Variants in LCA5 observed in about 807,000 individuals in gnomAD.
The protein encoded by LCA5 is lebercilin LCA5.
Under a neutral mutation model 53.0 loss-of-function variants are expected in LCA5, and 37 were observed. That is an observed-to-expected ratio of 0.70 (90% CI 0.54 to 0.92). The LOEUF is 0.92. Among genes scored for constraint, LCA5 ranks in the 40% least tolerant of loss-of-function variants. LCA5 has a pLI of 0.00. For missense variants in LCA5, 806 were observed against 790.5 expected (o/e 1.02, Z -0.23); for synonymous variants, 303 against 282.9 (o/e 1.07, Z -0.71).
intron 3 of LCA5, among the ~76,000 whole-genome samples, chr6:79,502,872 T>G (rs1770179200): frequency 6.6e-6 from 1 of 151,954 alleles, no homozygotes; most frequent in Admixed American, 6.6e-5. Flanking sequence ...ATATGATTCT[T>G]TTTTGTTTTG....
At chr6:79,499,369 T>G (rs918282797) in intron 3 of LCA5, among the ~76,000 whole-genome samples, 2 of 151,950 alleles carry the variant, frequency 1.3e-5, no homozygotes, top group African/African-American at 4.8e-5. Context: ...TCCTACAACT[T>G]CAAAAGAGTA....
At chr6:79,526,591 G>A (rs1254469664) in intron 1 of LCA5, among the ~76,000 whole-genome samples, 2 of 151,974 alleles carry the variant, frequency 1.3e-5, no homozygotes, top group East Asian at 1.9e-4. Flanking sequence ...GATTTGGCCT[G>A]GTGAAAAATA....
rs1043313363 is a variant in LCA5 at position 79,524,391 on chromosome 6, G to A, written c.-191-5306C>T. Among the ~76,000 whole-genome samples, 8 of 152,078 alleles carry A rather than the reference G, an allele frequency of 5.3e-5. No individual in the cohort carries two copies. In the East Asian group the frequency reaches 5.8e-4, roughly 11 times the overall value. ...AAGTCCTTGCATGCCTGAGAATGTCGTTATTTTACCTCACACTTGTTACTT... is the reference window on the plus strand; with the variant it reads ...AAGTCCTTGCATGCCTGAGAATGTCATTATTTTACCTCACACTTGTTACTT... On this transcript the variant is annotated intron_variant, in intron 1 of 7. Transcript: ENST00000369846.
intron 2 of LCA5, among the ~76,000 whole-genome samples, chr6:79,517,316 G>A (rs1298856543): frequency 2.0e-5 from 3 of 152,052 alleles, no homozygotes; most frequent in Non-Finnish European, 4.4e-5. Context: ...AATAAGGTAA[G>A]GCTTACAAAG....
At chr6:79,537,613 G>A (rs1767193510), upstream of LCA5, among the ~76,000 whole-genome samples, 1 of 152,220 alleles carries the variant, frequency 6.6e-6, no homozygotes, top group Admixed American at 6.5e-5. Context: ...GGGAAATTGG[G>A]GCAAAACGCG....
rs923207890 is a variant in LCA5, at chr6:79,513,511, A to G, written c.421T>C (p.Tyr141His). The G allele has an allele frequency of 1.2e-6, 2 of 1,613,744 alleles. No individual in the cohort carries two copies. Among genetic ancestry groups the G allele is most frequent in the Non-Finnish European group, 1.7e-6 (2 of 1,179,888 alleles). Residue 141 changes from tyrosine to histidine, a missense_variant, in exon 3 of 8, where the codon TAC becomes CAC. By Grantham distance (83) the Tyr-to-His change is moderately conservative. Coordinates refer to ENST00000369846, the MANE Select transcript of LCA5 (RefSeq NM_001122769.3). The stretch of plus-strand genomic sequence containing the variant: ...TTATTCAGGGCTTTCTCCTGTCTGT[A>G]CTGAAGCCTTTTCAAAGATTTATTT... ...KENKSLKRLQYRQEKALNKFE... is the reference protein window; with the variant it reads ...KENKSLKRLQHRQEKALNKFE...
At chr6:79,515,049 ATG>A (rs1176160484) in intron 2 of LCA5, among the ~76,000 whole-genome samples, 12 of 152,234 alleles carry the variant, frequency 7.9e-5, no homozygotes, top group African/African-American at 2.6e-4. Flanking sequence ...AAAAAAGAAA[ATG>A]TATGTTTTCT....
chr6:79,498,200 G>A (rs917977502), intron 3 of LCA5, among the ~76,000 whole-genome samples: 11 of 151,424 alleles, frequency 7.3e-5, no homozygotes, highest in Non-Finnish European at 1.5e-4. Context: ...GTGTATATAT[G>A]CATATGACAG....
At chr6:79,490,026 C>A (rs982361563) in intron 6 of LCA5, among the ~76,000 whole-genome samples, 31 of 152,142 alleles carry the variant, frequency 2.0e-4, no homozygotes, top group African/African-American at 7.0e-4. Flanking sequence ...CAACCATACA[C>A]AAGAGGGCTA....
chr6:79,494,768 C>T (rs944491303), intron 3 of LCA5, among the ~76,000 whole-genome samples: 1 of 152,140 alleles, frequency 6.6e-6, no homozygotes, highest in African/African-American at 2.4e-5. Context: ...TTCTGCTGTT[C>T]ATTATTAGGG....
chr6:79,528,745 TATACTC>T (rs771935632), intron 1 of LCA5, among the ~76,000 whole-genome samples: 1 of 152,134 alleles, frequency 6.6e-6, no homozygotes, highest in Non-Finnish European at 1.5e-5. Context: ...ACTCATCAAT[TATACTC>T]AGATGCCCTC....
At chr6:79,504,971 T>C (rs1043648358) in intron 3 of LCA5, among the ~76,000 whole-genome samples, 1 of 152,156 alleles carries the variant, frequency 6.6e-6, no homozygotes, top group Non-Finnish European at 1.5e-5. Context: ...TATATAGATA[T>C]GAGATTGCAC....
rs781115543 is a variant in LCA5 at position 79,493,647 on chromosome 6, T to C, written c.824A>G (p.Gln275Arg). 6.2e-6 allele frequency: 10 copies of C among 1,613,676 alleles called. No homozygotes were observed. The highest frequency in any genetic ancestry group is 3.3e-5 in the Admixed American group (2 of 60,000). ...YEAHDENKVL[Q>R]KEVQRLYHKL... ...GTGATATAGTCGCTGTACCTCCTTTTGAAGAACTTTATTTTCATCATGAGC... is the reference window on the plus strand; with the variant it reads ...GTGATATAGTCGCTGTACCTCCTTTCGAAGAACTTTATTTTCATCATGAGC... Residue 275 changes from glutamine to arginine, a missense_variant, in exon 4 of 8, where the codon CAA (glutamine) becomes CGA (arginine). By Grantham distance (43) the Gln-to-Arg change is conservative. Coordinates refer to ENST00000369846, the MANE Select transcript of LCA5 (RefSeq NM_001122769.3).
chr6:79,490,144 A>C (rs776359487), intron 6 of LCA5, among the ~76,000 whole-genome samples: 6 of 152,060 alleles, frequency 3.9e-5, no homozygotes, highest in Non-Finnish European at 5.9e-5. Context: ...AAGAGAGAGA[A>C]ATTTTTATCT....
chr6:79,538,018 G>GT (rs869197362), upstream of LCA5, among the ~76,000 whole-genome samples: 814 of 44,140 alleles, frequency 0.018, 213 homozygotes, highest in Non-Finnish European at 0.025. Context: ...TTGCACACAA[G>GT]TTTTTTTTTT....
intron 1 of LCA5, among the ~76,000 whole-genome samples, chr6:79,533,048 A>G (rs1767003272): frequency 6.6e-6 from 1 of 152,140 alleles, no homozygotes; most frequent in Non-Finnish European, 1.5e-5. Context: ...GCAAATCAAA[A>G]AGTTTTCCTC....
intron 3 of LCA5, among the ~76,000 whole-genome samples, chr6:79,499,066 G>C (rs367925410): frequency 6.6e-6 from 1 of 152,046 alleles, no homozygotes; most frequent in Non-Finnish European, 1.5e-5. Flanking sequence ...AGCAAAGAAC[G>C]AGAGTAGTTT....
chr6:79,526,170 A>G (rs1766780863), intron 1 of LCA5, among the ~76,000 whole-genome samples: 1 of 152,220 alleles, frequency 6.6e-6, no homozygotes, highest in African/African-American at 2.4e-5. Flanking sequence ...GCTGGTAATC[A>G]TAAATCACCT....
intron 1 of LCA5, among the ~76,000 whole-genome samples, chr6:79,522,687 C>T (rs1489668068): frequency 6.6e-6 from 1 of 151,948 alleles, no homozygotes; most frequent in Non-Finnish European, 1.5e-5. Context: ...AAAATTTAAA[C>T]ACTATTTATT....
Sources: gnomAD v4.1 joint callset for allele counts (sites outside exome capture counted in the v4.1 genomes callset) on GRCh38, gnomAD v4.1.1 for gene constraint, MANE v1.5 for transcripts, NCBI Gene and HGNC (gene_info 2026-07-23, HGNC 2026-07-21) for gene names.